DNHD1: variants seen among roughly 807,000 people sequenced by gnomAD.
DNHD1 encodes dynein heavy chain domain 1.
In DNHD1, 383 loss-of-function variants were observed where a neutral mutation model predicts 458.1. The ratio of observed to expected loss-of-function variants is 0.84; its 90% confidence interval spans 0.77 to 0.91. The LOEUF is 0.91. Among genes scored for constraint, DNHD1 ranks in the 40% least tolerant of loss-of-function variants. The pLI, the probability that DNHD1 is intolerant of heterozygous loss-of-function variation, is 0.00. For missense variants in DNHD1, 5,336 were observed against 5,866.1 expected (o/e 0.91, Z 2.95); for synonymous variants, 2,203 against 2,376.9 (o/e 0.93, Z 2.13).
chr11:6,568,040 C>CTTTTTTT lies in DNHD1; in HGVS notation c.12352-10_12352-9insTTTTTTT. On this transcript the variant is annotated splice_polypyrimidine_tract_variant and intron_variant, in intron 36 of 42. Coordinates refer to ENST00000254579, the MANE Select transcript of DNHD1 (RefSeq NM_144666.3). The stretch of plus-strand genomic sequence containing the variant: ...ATCACTTTGAGTCATGCTGCCATCT[C>CTTTTTTT]TTTTTTGGTCCCCAGGGGCAGAAGC... The CTTTTTTT allele has an allele frequency of 6.4e-7, 1 of 1,551,828 alleles. No individual in the cohort carries two copies. Among genetic ancestry groups the CTTTTTTT allele is most frequent in the African/African-American group, 1.4e-5 (1 of 73,502 alleles).
In DNHD1 at chr11:6,502,873, C is replaced by A; in HGVS notation, c.867C>A (p.Tyr289Ter). ...TGACTGCTCTGAAGATGGAGAGATA[C>A]CTGAAGAAGATCCACTTCCTCTATC... ...QVMTALKMER[Y>*]LKKIHFLYLN... Residue 289 changes from tyrosine to a stop codon, truncating the protein, a stop_gained, in exon 4 of 43, where the codon TAC (tyrosine) becomes TAA (stop). Transcript: ENST00000254579. LOFTEE classifies it high-confidence loss of function. 2 of 1,613,680 alleles carry A rather than the reference C, an allele frequency of 1.2e-6. No homozygotes were observed. The highest frequency in any genetic ancestry group is 1.7e-6 in the Non-Finnish European group (2 of 1,179,836).
rs1229527934 is a variant in DNHD1 at position 6,568,855 on chromosome 11, C to T, written c.12852C>T (p.His4284=). 1.9e-6 allele frequency: 3 copies of T among 1,609,848 alleles called. No individual in the cohort carries two copies. Among genetic ancestry groups the T allele is most frequent in the East Asian group, 2.2e-5 (1 of 44,670 alleles). Residue 4284 remains histidine (H), a synonymous_variant, in exon 39 of 43, where the codon CAC becomes CAT. Coordinates refer to ENST00000254579, the MANE Select transcript of DNHD1 (RefSeq NM_144666.3). ...RQLYGTRLQA[H]RGRWSQVTLT... is the part of the protein sequence containing the mutation. ...TCTATGGAACAAGGCTGCAGGCACA[C>T]AGGGGGCGCTGGTGAGGGACCCCCA...
Position 6,520,350 on chromosome 11 carries a change from T to G in DNHD1, c.1837+61T>G, listed in dbSNP as rs2555143. On this transcript the variant is annotated intron_variant, in intron 10 of 42. Coordinates refer to ENST00000254579, the MANE Select transcript of DNHD1 (RefSeq NM_144666.3). ...TGAAGGAGGGAAAGGGCACAAGTAC[T>G]AATGGCATGGGAAGAAGGCAGGAGG... is the stretch of plus-strand genomic sequence containing the variant. 0.61 allele frequency: 948,940 copies of G among 1,550,832 alleles called. 294,608 individuals carry two copies. Among genetic ancestry groups the G allele is most frequent in the African/African-American group, 0.82 (59,752 of 73,094 alleles).
chr11:6,499,309 C>T (rs1015057347), intron 3 of DNHD1, among the ~76,000 whole-genome samples: 2 of 152,152 alleles, frequency 1.3e-5, no homozygotes, highest in Non-Finnish European at 2.9e-5. Context: ...ATAATTCATT[C>T]ATAATCACTG....
chr11:6,527,432 A>C (rs1852733552), intron 10 of DNHD1, among the ~76,000 whole-genome samples: 1 of 152,214 alleles, frequency 6.6e-6, no homozygotes, highest in Non-Finnish European at 1.5e-5. Flanking sequence ...GTATGTGAAA[A>C]AGAGTCAAAG....
At chr11:6,499,989 G>C (rs891843776) in intron 3 of DNHD1, among the ~76,000 whole-genome samples, 4 of 143,892 alleles carry the variant, frequency 2.8e-5, no homozygotes, top group African/African-American at 7.7e-5. Flanking sequence ...TTCTGAAACA[G>C]AGTCTCACTC....
At chr11:6,532,419 A>C (rs1852844953) in intron 12 of DNHD1, among the ~76,000 whole-genome samples, 1 of 152,142 alleles carries the variant, frequency 6.6e-6, no homozygotes, top group Non-Finnish European at 1.5e-5. Flanking sequence ...TCCACCTGAG[A>C]CTTTCTTTAC....
intron 24 of DNHD1, among the ~76,000 whole-genome samples, chr11:6,551,816 C>T (rs187046878): frequency 6.6e-6 from 1 of 152,248 alleles, no homozygotes; most frequent in East Asian, 1.9e-4. Context: ...TGGCATGTAC[C>T]TGTAATCACA....
At chr11:6,502,115 G>A (rs1852148471) in intron 3 of DNHD1, among the ~76,000 whole-genome samples, 1 of 152,030 alleles carries the variant, frequency 6.6e-6, no homozygotes, top group Non-Finnish European at 1.5e-5. Flanking sequence ...TTGAGTTATT[G>A]GTAACTAATT....
At chr11:6,561,262 ACT>A (rs1853582138) in intron 28 of DNHD1, among the ~76,000 whole-genome samples, 3 of 152,020 alleles carry the variant, frequency 2.0e-5, no homozygotes, top group African/African-American at 4.8e-5. Flanking sequence ...ACAGCAAAAC[ACT>A]GTCTCTACAA....
chr11:6,562,980 A>AG lies in DNHD1; in HGVS notation c.9520-1dup, dbSNP rs1564822195. 1 of 1,551,410 alleles carries AG rather than the reference A, an allele frequency of 6.4e-7. No homozygotes were observed. Among genetic ancestry groups the AG allele is most frequent in the Admixed American group, 2.0e-5 (1 of 50,994 alleles). ...CTGCAGGGCCTGGATCTGTCTCTGC[A>AG]GAGTCTCAGCATGTTTCAGCAGCAG... On this transcript the variant is annotated splice_acceptor_variant, in intron 28 of 42. Transcript: ENST00000254579. LOFTEE classifies it high-confidence loss of function.
chr11:6,540,191 C>A, intron 18 of DNHD1, 108 bp downstream of exon 18: 1 of 927,010 alleles, frequency 1.1e-6, no homozygotes, highest in Admixed American at 2.4e-5. Flanking sequence ...AGGGCCCCAT[C>A]CTTACTAGAC....
intron 24 of DNHD1, 72 bp downstream of exon 24, chr11:6,549,005 C>A (rs1853280090): frequency 1.4e-6 from 2 of 1,443,658 alleles, no homozygotes; most frequent in Non-Finnish European, 9.4e-7. Flanking sequence ...TAGCAATATT[C>A]ATTGACTCTC....
In DNHD1 at chr11:6,512,381, C is replaced by T. The variant is rs539472518; in HGVS notation, c.1392+952C>T. Among the ~76,000 whole-genome samples, 328 of 151,700 alleles carry T rather than the reference C, an allele frequency of 2.2e-3. 4 individuals are homozygous for T. Among genetic ancestry groups the T allele is most frequent in the Admixed American group, 4.7e-3 (72 of 15,248 alleles). On this transcript the variant is annotated intron_variant, in intron 7 of 42. Transcript: ENST00000254579. ...GACTACAGGCACCCACCACCATGCC[C>T]GGCTAATTTTTTTTGTATTTTTAGT... is the stretch of plus-strand genomic sequence containing the variant.
Position 6,549,013 on chromosome 11 carries a change from C to T in DNHD1, c.7387+80C>T, listed in dbSNP as rs1240151139. On this transcript the variant is annotated intron_variant, in intron 24 of 42. Transcript: ENST00000254579. ...AAATCCCTAGCAATATTCATTGACT[C>T]TCAAATATATGTCTGTAGATCTAAC... The T allele has an allele frequency of 2.1e-6, 3 of 1,414,884 alleles. No individual in the cohort carries two copies. The Admixed American group carries it at 7.4e-5, about 35-fold the overall frequency. The allele number at this position is 1,414,884 out of a possible 1,614,324, so 87.6% of individuals were successfully genotyped here. A position where few individuals can be genotyped will look rare whatever the true frequency, so the allele number is the denominator to read the frequency against.
intron 18 of DNHD1, 56 bp downstream of exon 18, chr11:6,540,139 C>A: frequency 6.9e-7 from 1 of 1,450,552 alleles, no homozygotes; most frequent in South Asian, 1.2e-5. Context: ...CCATTTTCAT[C>A]CACCATATCC....
Position 6,563,954 on chromosome 11 carries a change from C to A in DNHD1, c.10114C>A (p.Gln3372Lys), listed in dbSNP as rs772229883. 21 of 1,551,594 alleles carry A rather than the reference C, an allele frequency of 1.4e-5. No individual in the cohort carries two copies. In the East Asian group the frequency reaches 4.6e-4, roughly 34 times the overall value. The part of the protein sequence containing the change: ...ARLGYYQFQA[Q>K]ETLEHNLALA... ...CCTGGGCTACTACCAGTTTCAGGCC[C>A]AGGAGACCCTGGAGCATAATTTGGC... The change falls in exon 31 of 43, where the codon CAG (glutamine) becomes AAG (lysine). Residue 3372 changes from glutamine (Q) to lysine (K), a missense_variant. Physicochemically the swap from Gln to Lys is moderately conservative, Grantham distance 53. Coordinates refer to ENST00000254579, the MANE Select transcript of DNHD1 (RefSeq NM_144666.3).
chr11:6,527,343 T>G (rs184995243), intron 10 of DNHD1, among the ~76,000 whole-genome samples: 34 of 152,206 alleles, frequency 2.2e-4, no homozygotes, highest in African/African-American at 7.9e-4. Flanking sequence ...GGGCAGGTGG[T>G]GGTCAATGTG....
chr11:6,499,987 CAG>C lies in DNHD1; in HGVS notation c.746+1029_746+1030del, dbSNP rs562264108. 1.1e-3 allele frequency among the ~76,000 whole-genome samples: 140 copies of C among 128,042 alleles called. 1 individual carries two copies. Among genetic ancestry groups the C allele is most frequent in the African/African-American group, 3.9e-3 (135 of 34,594 alleles). The allele number at this position is 128,042 out of a possible 152,430, so 84.0% of individuals were successfully genotyped here. The stretch of plus-strand genomic sequence containing the variant: ...TCGATTTTTTTTTTTTTTTCTGAAA[CAG>C]AGTCTCACTCTGTCGCCCAGGCTAG... On this transcript the variant is annotated intron_variant, in intron 3 of 42. Transcript: ENST00000254579.
Sources: allele counts gnomAD v4.1 joint callset (sites outside exome capture counted in the v4.1 genomes callset), GRCh38; gene constraint gnomAD v4.1.1; transcripts MANE v1.5; gene names NCBI Gene and HGNC (gene_info 2026-07-23, HGNC 2026-07-21).